The following BMS1 variants were observed in gnomAD, a reference collection of about 807,000 sequenced individuals.
BMS1 encodes BMS1 ribosome biogenesis factor, also known as ribosome biogenesis protein BMS1 homolog.
Under a neutral mutation model 138.7 loss-of-function variants are expected in BMS1, and 53 were observed. That is an observed-to-expected ratio of 0.38 (90% CI 0.31 to 0.48). The LOEUF (loss-of-function observed/expected upper bound fraction) is 0.48. Among genes scored for constraint, BMS1 ranks in the 20% least tolerant of loss-of-function variants. The pLI is 0.97. For missense variants in BMS1, 1,360 were observed against 1,565.5 expected, an observed-to-expected ratio of 0.87 and a Z score of 2.22; for synonymous variants, 504 against 539.9, an observed-to-expected ratio of 0.93 and a Z score of 0.92.
In BMS1 at chr10:42,797,431, A is replaced by G. The variant is rs769318175; in HGVS notation, c.1997A>G (p.Lys666Arg). 2 of 1,614,110 alleles carry G rather than the reference A, an allele frequency of 1.2e-6. No individual in the cohort carries two copies. The highest frequency in any genetic ancestry group is 2.2e-5 in the East Asian group (1 of 44,898). Residue 666 changes from lysine to arginine, a missense_variant, in exon 11 of 23, where the codon AAG becomes AGG. Physicochemically the swap from Lys to Arg is conservative, Grantham distance 26. This residue lies in a region of BMS1 where 697 missense variants were observed against 686.2 expected (regional missense o/e 1.02). Coordinates refer to ENST00000374518, the MANE Select transcript of BMS1 (RefSeq NM_014753.4). ...NDSKETSGAL[K>R]WKEDLSRKAA... ...GCATTGGTCGTTTCAGGTGCCCTCA[A>G]GTGGAAGGAAGACCTTTCCAGAAAG...
At chr10:42,785,718 T>G in intron 3 of BMS1, 46 bp downstream of exon 3, 26 of 1,583,108 alleles carry the variant, frequency 1.6e-5, no homozygotes, top group Non-Finnish European at 2.2e-5. Flanking sequence ...GCTGTTGTCA[T>G]CTGAGGGACA....
At chr10:42,810,928 T>G (rs1842154499) in intron 13 of BMS1, among the ~76,000 whole-genome samples, 1 of 152,198 alleles carries the variant, frequency 6.6e-6, no homozygotes. Context: ...TGTTTTTATC[T>G]TTGTCGTAAA....
intron 13 of BMS1, among the ~76,000 whole-genome samples, chr10:42,814,311 G>A (rs775669955): frequency 1.9e-4 from 29 of 152,228 alleles, no homozygotes; most frequent in African/African-American, 7.0e-4. Flanking sequence ...TTTAGACTGG[G>A]TGAATTCTGT....
At chr10:42,792,186 C>T (rs1397394977) in intron 6 of BMS1, among the ~76,000 whole-genome samples, 1 of 152,184 alleles carries the variant, frequency 6.6e-6, no homozygotes, top group Non-Finnish European at 1.5e-5. Context: ...AATCCCAGAG[C>T]ACAGGCTCGC....
chr10:42,814,616 G>A (rs1185777083), intron 13 of BMS1, among the ~76,000 whole-genome samples: 1 of 152,086 alleles, frequency 6.6e-6, no homozygotes, highest in Admixed American at 6.6e-5. Flanking sequence ...CTCCTATTTG[G>A]GTTTAGTCTG....
intron 21 of BMS1, among the ~76,000 whole-genome samples, chr10:42,825,416 C>A (rs1842609788): frequency 6.6e-6 from 1 of 152,182 alleles, no homozygotes; most frequent in Non-Finnish European, 1.5e-5. Flanking sequence ...AATATTAATT[C>A]TTCTGATCCA....
intron 7 of BMS1, 40 bp from the exon 8 acceptor site, chr10:42,792,914 ACTT>A (rs1216398221): frequency 6.3e-6 from 10 of 1,579,970 alleles, no homozygotes; most frequent in Non-Finnish European, 8.6e-6. Flanking sequence ...GATGCTTCTG[ACTT>A]CTTGTCAGCT....
intron 18 of BMS1, among the ~76,000 whole-genome samples, chr10:42,821,251 G>T (rs1368824496): frequency 1.3e-5 from 2 of 152,100 alleles, no homozygotes; most frequent in African/African-American, 4.8e-5. Flanking sequence ...TACTTAAGCA[G>T]TGCTCACCAT....
At position 42,820,369 on chromosome 10, in the gene BMS1, A is replaced by T. The variant is rs192095541; in HGVS notation, c.2714A>T (p.Tyr905Phe). The change falls in exon 16 of 23, where the codon TAC (tyrosine) becomes TTC (phenylalanine). Residue 905 changes from tyrosine to phenylalanine, a missense_variant. By Grantham distance (22) the Tyr-to-Phe change is conservative. This residue lies in a region of BMS1 where 425 missense variants were observed against 568.3 expected (regional missense o/e 0.75). Transcript: ENST00000374518. ...CEFVQNFDPHYPIILGGLGNS... is the reference protein window; with the variant it reads ...CEFVQNFDPHFPIILGGLGNS... Reference sequence around the variant, plus strand: ...TTTGTGCAGAACTTTGACCCCCATTACCCCATTATCCTGGGTGGCTTGGGC... The same window carrying T: ...TTTGTGCAGAACTTTGACCCCCATTTCCCCATTATCCTGGGTGGCTTGGGC... 9 of 1,613,672 alleles carry T rather than the reference A, an allele frequency of 5.6e-6. No homozygotes were observed. The African/African-American group carries it at 1.2e-4, about 22-fold the overall frequency.
chr10:42,784,554 G>A lies in BMS1; in HGVS notation c.160G>A (p.Ala54Thr). The A allele has an allele frequency of 6.2e-7, 1 of 1,611,906 alleles. No homozygotes were observed. Among genetic ancestry groups the A allele is most frequent in the African/African-American group, 1.3e-5 (1 of 74,894 alleles). Residue 54 changes from alanine (A) to threonine (T), a missense_variant, in exon 2 of 23, where the codon GCT becomes ACT. Transcript: ENST00000374518. ...AFAVQSAVRM[A>T]RSFHRTQDLK... The stretch of plus-strand genomic sequence containing the variant: ...TGCAGTTCAGTCTGCTGTGCGGATG[G>A]CTCGATCCTTTCACAGGTATGTTAG...
At chr10:42,792,924 A>C (rs1437335383) in intron 7 of BMS1, 33 bp from the exon 8 acceptor site, 1 of 1,591,348 alleles carries the variant, frequency 6.3e-7, no homozygotes, top group Admixed American at 1.8e-5. Context: ...ACTTCTTGTC[A>C]GCTGAAGCTG....
In BMS1 at chr10:42,831,231, A is replaced by C. The variant is rs1842794134; in HGVS notation, c.*135A>C. On this transcript the variant is annotated 3_prime_UTR_variant, in exon 23 of 23. Coordinates refer to ENST00000374518, the MANE Select transcript of BMS1 (RefSeq NM_014753.4). ...TCTCTACTCAAACTGTGCCTGCAGGAGGAGGAACAGAGAAGCCTGGGCTGC... is the reference window on the plus strand; with the variant it reads ...TCTCTACTCAAACTGTGCCTGCAGGCGGAGGAACAGAGAAGCCTGGGCTGC... 2 of 956,548 alleles carry C rather than the reference A, an allele frequency of 2.1e-6. No homozygotes were observed. 59.3% of individuals were successfully genotyped at this position (956,548 alleles called of 1,614,324 possible).
At chr10:42,787,954 C>CA (rs1564408128) in intron 4 of BMS1, among the ~76,000 whole-genome samples, 1 of 151,938 alleles carries the variant, frequency 6.6e-6, no homozygotes, top group African/African-American at 2.4e-5. Flanking sequence ...TACAAATTAG[C>CA]AAAAAAATAA....
Position 42,820,394 on chromosome 10 carries a change from C to T in BMS1, c.2739C>T (p.Gly913=). ...ACCCCATTATCCTGGGTGGCTTGGG[C>T]AACAGTGAGGGAAATGTTGGCTACG... ...PHYPIILGGL[G]NSEGNVGYVQ... The change falls in exon 16 of 23, where the codon GGC becomes GGT. Residue 913 remains glycine, a synonymous_variant. Transcript: ENST00000374518. 1 of 1,613,806 alleles carries T rather than the reference C, an allele frequency of 6.2e-7. No homozygotes were observed. Among genetic ancestry groups the T allele is most frequent in the South Asian group, 1.1e-5 (1 of 91,064 alleles).
In BMS1 at chr10:42,793,043, GAGA is replaced by G; in HGVS notation, c.991_993del (p.Lys331del). On this transcript the variant is annotated inframe_deletion, in exon 8 of 23. Transcript: ENST00000374518. ...ACAACAAAAGAAGCGCTGTTTAAATGAGAAGGAGAAGCTGGTTTATGCGCCTCT... is the reference window on the plus strand; with the variant it reads ...ACAACAAAAGAAGCGCTGTTTAAATGAGGAGAAGCTGGTTTATGCGCCTCT... The G allele has an allele frequency of 6.2e-7, 1 of 1,613,628 alleles. No individual in the cohort carries two copies. Among genetic ancestry groups the G allele is most frequent in the Non-Finnish European group, 8.5e-7 (1 of 1,179,932 alleles).
Position 42,822,170 on chromosome 10 carries a change from A to T in BMS1, c.3118A>T (p.Thr1040Ser), listed in dbSNP as rs200082300. 67 of 1,416,160 alleles carry T rather than the reference A, an allele frequency of 4.7e-5. No individual in the cohort carries two copies. Among genetic ancestry groups the T allele is most frequent in the Non-Finnish European group, 6.0e-5 (61 of 1,018,524 alleles). The allele number at this position is 1,416,160 out of a possible 1,614,324, so 87.7% of individuals were successfully genotyped here. ...TTTTCCATATAAAATTTTCAAGAAC[A>T]CTTCATTTATTAAGGTCTGTATATC... ...TGFPYKIFKNTSFIKGMFNSA... is the reference protein window; with the variant it reads ...TGFPYKIFKNSSFIKGMFNSA... Residue 1040 changes from threonine (T) to serine (S), a missense_variant, in exon 19 of 23, where the codon ACT (threonine) becomes TCT (serine). Thr to Ser is a moderately conservative substitution (Grantham distance 58). Around this residue, in one of 3 missense-constraint regions of BMS1, gnomAD observed 425 missense variants for 568.3 expected, o/e 0.75. Coordinates refer to ENST00000374518, the MANE Select transcript of BMS1 (RefSeq NM_014753.4).
intron 3 of BMS1, 102 bp from the exon 4 acceptor site, chr10:42,787,066 T>G: frequency 1.2e-6 from 1 of 844,184 alleles, no homozygotes; most frequent in Non-Finnish European, 2.0e-6. Context: ...TAAATGTATA[T>G]GATGTTTTAC....
At chr10:42,794,439 G>T (rs1380596732) in intron 9 of BMS1, among the ~76,000 whole-genome samples, 1 of 151,874 alleles carries the variant, frequency 6.6e-6, no homozygotes, top group Non-Finnish European at 1.5e-5. Context: ...TTATTTTCCA[G>T]TCTGGGTTGG....
Position 42,793,001 on chromosome 10 carries a change from C to G in BMS1, c.946C>G (p.Pro316Ala). The change falls in exon 8 of 23, where the codon CCT becomes GCT. Residue 316 changes from proline (P) to alanine (A), a missense_variant. Physicochemically the swap from Pro to Ala is conservative, Grantham distance 27. Around this residue, in one of 3 missense-constraint regions of BMS1, gnomAD observed 697 missense variants for 686.2 expected, o/e 1.02. Transcript: ENST00000374518. ...GAGTGACATCAGTTTCCTCCCAGAC[C>G]CTTGCGCTCTTCCTGAACAACAAAA... ...AVSDISFLPD[P>A]CALPEQQKKR... 1 of 1,613,994 alleles carries G rather than the reference C, an allele frequency of 6.2e-7. No homozygotes were observed. Among genetic ancestry groups the G allele is most frequent in the Non-Finnish European group, 8.5e-7 (1 of 1,179,974 alleles).
Sources: allele counts gnomAD v4.1 joint callset (sites outside exome capture counted in the v4.1 genomes callset), GRCh38; gene constraint gnomAD v4.1.1; regional missense constraint gnomAD v4.1.1; transcripts MANE v1.5; gene names NCBI Gene and HGNC (gene_info 2026-07-23, HGNC 2026-07-21).